The following DIDO1 variants were observed in gnomAD, a reference collection of about 807,000 sequenced individuals.
DIDO1 encodes the protein death-inducer obliterator 1.
In DIDO1, 16 loss-of-function variants were observed where a neutral mutation model predicts 99.4. That is an observed-to-expected ratio of 0.16 (90% CI 0.11 to 0.24). The LOEUF (loss-of-function observed/expected upper bound fraction) is 0.24, where lower values mean the gene tolerates loss of function less well. DIDO1 is among the 10% of genes least tolerant of loss of function. DIDO1 has a pLI of 1.00. For missense variants in DIDO1, 2,996 were observed against 3,014.0 expected (o/e 0.99, Z 0.14); for synonymous variants, 1,366 against 1,239.1 (o/e 1.10, Z -2.15).
Position 62,894,394 on chromosome 20 carries a change from T to C in DIDO1, c.2572+19A>G. The C allele has an allele frequency of 6.2e-7, 1 of 1,607,798 alleles. No homozygotes were observed. Among genetic ancestry groups the C allele is most frequent in the Non-Finnish European group, 8.5e-7 (1 of 1,178,414 alleles). On this transcript the variant is annotated intron_variant, in intron 11 of 15. Transcript: ENST00000395343. This position sits in a 1 kb window ranked among gnomAD's most constrained non-coding sequence, Gnocchi z 4.4. ...GTTTAGTCTCAGCTCCAAGGCTCCA[T>C]CCCCTGCACTGTGCTCACCTGTGCA...
intron 15 of DIDO1, chr20:62,888,613 G>A (rs2030630616): frequency 3.0e-6 from 3 of 985,468 alleles, no homozygotes; most frequent in African/African-American, 1.7e-5. Flanking sequence ...CGTGAGGACA[G>A]GGTCCGCTGA....
rs138355630 is a variant in DIDO1 at position 62,911,456 on chromosome 20, G to A, written c.157C>T (p.Pro53Ser). Residue 53 changes from proline (P) to serine (S), a missense_variant, in exon 3 of 16, where the codon CCA becomes TCA. By Grantham distance (74) the Pro-to-Ser change is moderately conservative (BLOSUM62 -1). Transcript: ENST00000395343. This position sits in a 1 kb window ranked among gnomAD's most constrained non-coding sequence, Gnocchi z 7.0. ...AGGGACAGGCCCAGCTGCTGCTGTGGGGGTGGCGGCTCCAGTGGGTCAGCC... is the reference window on the plus strand; with the variant it reads ...AGGGACAGGCCCAGCTGCTGCTGTGAGGGTGGCGGCTCCAGTGGGTCAGCC... ...AEADPLEPPP[P>S]QQQLGLSLRR... is the part of the protein sequence containing the mutation. 442 of 1,612,168 alleles carry A rather than the reference G, an allele frequency of 2.7e-4. 2 individuals are homozygous for A. The highest frequency in any genetic ancestry group is 2.3e-3 in the South Asian group (206 of 90,846).
chr20:62,923,810 A>T (rs1206026525), intron 1 of DIDO1, among the ~76,000 whole-genome samples: 1 of 152,258 alleles, frequency 6.6e-6, no homozygotes, highest in Non-Finnish European at 1.5e-5. Context: ...CAGCATACGC[A>T]AAACAAAACC....
intron 15 of DIDO1, among the ~76,000 whole-genome samples, chr20:62,886,029 G>T (rs1408909920): frequency 1.6e-4 from 24 of 152,364 alleles, no homozygotes. Context: ...GGGAGGGAGA[G>T]TGCCCCGGGA....
chr20:62,937,385 C>T (rs1601063810), intron 1 of DIDO1, among the ~76,000 whole-genome samples: 4 of 152,234 alleles, frequency 2.6e-5, no homozygotes, highest in African/African-American at 4.8e-5. Flanking sequence ...TCTCCAGTCA[C>T]CGAGTAACCC....
At chr20:62,905,681 TGACAGGAAGTCCTGACA>T in intron 6 of DIDO1, 189 bp downstream of exon 6, 1 of 1,602,596 alleles carries the variant, frequency 6.2e-7, no homozygotes, top group Non-Finnish European at 8.5e-7. Context: ...TGGAAAACAG[TGACAGGAAGTCCTGACA>T]GACTAGGGAT....
At chr20:62,887,353 A>G (rs2064312282) in intron 15 of DIDO1, 1 of 985,492 alleles carries the variant, frequency 1.0e-6, no homozygotes, top group Non-Finnish European at 1.2e-6. Context: ...TTACCTGACA[A>G]TATTTCAAGT....
At chr20:62,920,886 A>C (rs553750175) in intron 1 of DIDO1, among the ~76,000 whole-genome samples, 1 of 152,256 alleles carries the variant, frequency 6.6e-6, no homozygotes, top group African/African-American at 2.4e-5. Flanking sequence ...TTAATATATA[A>C]TGGTTTACAA....
intron 1 of DIDO1, among the ~76,000 whole-genome samples, chr20:62,935,299 C>A (rs538622975): frequency 6.6e-6 from 1 of 152,240 alleles, no homozygotes; most frequent in South Asian, 2.1e-4. Flanking sequence ...TCCTCATAAT[C>A]ATTCACTCAT....
chr20:62,881,330 T>C lies in DIDO1; in HGVS notation c.4626A>G (p.Ala1542=), dbSNP rs769984974. 7 of 1,604,506 alleles carry C rather than the reference T, an allele frequency of 4.4e-6. No homozygotes were observed. Among genetic ancestry groups the C allele is most frequent in the Middle Eastern group, 1.6e-4 (1 of 6,080 alleles). ...AELFQQEQQS[A]DKPASLPPAS... is the part of the protein sequence containing the mutation. ...CGGGGGGCAGTGAGGCGGGCTTGTC[T>C]GCAGACTGCTGCTCTTGCTGGAACA... The change falls in exon 16 of 16, where the codon GCA becomes GCG. Residue 1542 remains alanine, a synonymous_variant. Transcript: ENST00000395343. The surrounding 1 kb of genome is among the most constrained non-coding windows in gnomAD (Gnocchi z 8.3).
intron 1 of DIDO1, among the ~76,000 whole-genome samples, chr20:62,924,685 C>T (rs1175544015): frequency 6.6e-6 from 1 of 152,190 alleles, no homozygotes; most frequent in African/African-American, 2.4e-5. Context: ...ATCCGCACGT[C>T]CTAGACAAGC....
At chr20:62,905,554 G>C (rs1473743425) in intron 6 of DIDO1, 2 of 1,550,946 alleles carry the variant, frequency 1.3e-6, no homozygotes, top group Non-Finnish European at 1.7e-6. Flanking sequence ...GGGCAGTGTG[G>C]CTATGCAATC....
chr20:62,937,279 T>C (rs1247434952), intron 1 of DIDO1, among the ~76,000 whole-genome samples: 1 of 152,246 alleles, frequency 6.6e-6, no homozygotes. Context: ...GACCCTGCAA[T>C]GACAGACTTC....
chr20:62,891,957 G>A (rs984397458), intron 14 of DIDO1, 30 bp downstream of exon 14: 27 of 1,571,746 alleles, frequency 1.7e-5, no homozygotes, highest in South Asian at 2.3e-5. Context: ...AATTTTCCAT[G>A]GTTGCAGAAT....
Position 62,891,078 on chromosome 20 carries a change from G to C in DIDO1, c.3423C>G (p.Ser1141Arg). The C allele has an allele frequency of 6.2e-7, 1 of 1,614,218 alleles. No homozygotes were observed. The highest frequency in any genetic ancestry group is 8.5e-7 in the Non-Finnish European group (1 of 1,180,040). ...VAYISLYSYF[S>R]SRGRFGVVAN... ...CTACAACACCAAAGCGGCCACGGCT[G>C]CTGAAATAGGAGTAGAGAGAGATAT... Residue 1141 changes from serine (S) to arginine (R), a missense_variant, in exon 15 of 16, where the codon AGC becomes AGG. By Grantham distance (110) the Ser-to-Arg change is moderately radical. Around this residue, in one of 5 missense-constraint regions of DIDO1, gnomAD observed 135 missense variants for 202.3 expected, o/e 0.67. Transcript: ENST00000395343.
rs750287377 is a variant in DIDO1 at position 62,880,746 on chromosome 20, G to C, written c.5210C>G (p.Pro1737Arg). 4 of 1,612,730 alleles carry C rather than the reference G, an allele frequency of 2.5e-6. No homozygotes were observed. In the South Asian group the frequency reaches 4.4e-5, roughly 18 times the overall value. The change falls in exon 16 of 16, where the codon CCC becomes CGC. Residue 1737 changes from proline (P) to arginine (R), a missense_variant. By Grantham distance (103) the Pro-to-Arg change is moderately radical. Around this residue, in one of 5 missense-constraint regions of DIDO1, gnomAD observed 1,562 missense variants for 1,412.6 expected, o/e 1.11. Transcript: ENST00000395343. ...GCCCCCCACTTTCTGTCCTGGTGGG[G>C]GGAGCGGGGCGGTGCCCTCGCCGGG... is the stretch of plus-strand genomic sequence containing the variant. The part of the protein sequence containing the change: ...ARPGEGTAPL[P>R]PPGQKVGGSQ...
At chr20:62,916,321 T>G (rs183357622) in intron 1 of DIDO1, among the ~76,000 whole-genome samples, 230 of 152,152 alleles carry the variant, frequency 1.5e-3, no homozygotes, top group African/African-American at 5.4e-3. Flanking sequence ...TAAGCACATT[T>G]TTTTCCCCAG....
intron 4 of DIDO1, among the ~76,000 whole-genome samples, chr20:62,909,480 T>A (rs1344109479): frequency 6.6e-6 from 1 of 152,174 alleles, no homozygotes; most frequent in African/African-American, 2.4e-5. Context: ...TCCTCAAAGA[T>A]GGGCTGATTT....
chr20:62,922,131 T>C (rs143636883), intron 1 of DIDO1, among the ~76,000 whole-genome samples: 26,665 of 146,652 alleles, frequency 0.18, 2,628 homozygotes, highest in East Asian at 0.28. Flanking sequence ...CACACATATA[T>C]ACATATATAC....
Sources: allele counts gnomAD v4.1 joint callset (sites outside exome capture counted in the v4.1 genomes callset), GRCh38; gene constraint gnomAD v4.1.1; regional missense constraint gnomAD v4.1.1; non-coding constraint Gnocchi (gnomAD v3.1); transcripts MANE v1.5; gene names NCBI Gene and HGNC (gene_info 2026-07-23, HGNC 2026-07-21).